The following ST6GALNAC4 variants were observed in gnomAD, a reference collection of about 807,000 sequenced individuals.
ST6GALNAC4 encodes the protein alpha-N-acetyl-neuraminyl-2,3-beta-galactosyl-1,3-N-acetyl-galactosaminide alpha-2,6-sialyltransferase.
Under a neutral mutation model 30.4 loss-of-function variants are expected in ST6GALNAC4, and 24 were observed. The observed-to-expected ratio is 0.79, with a 90% CI of 0.57 to 1.11. The LOEUF (loss-of-function observed/expected upper bound fraction) is 1.11. ST6GALNAC4 is among the 50% of genes most tolerant of loss of function. The pLI is 0.00. For synonymous variants in ST6GALNAC4, 156 were observed against 179.7 expected, an observed-to-expected ratio of 0.87 and a Z score of 1.05; for missense variants, 365 against 430.1, an observed-to-expected ratio of 0.85 and a Z score of 1.34.
Position 127,908,518 on chromosome 9 carries a change from C to T in ST6GALNAC4, c.783G>A (p.Gln261=), listed in dbSNP as rs768910382. ...YFEKGRLDEC[Q]MYLAHEQAPR... is the part of the protein sequence containing the mutation. ...GCGCCTGCTCGTGTGCCAGGTACAT[C>T]TGACACTCATCTAGCCGGCCCTTCT... Residue 261 remains glutamine (Q), a synonymous_variant, in exon 6 of 6, where the codon CAG becomes CAA. Transcript: ENST00000335791. The T allele has an allele frequency of 1.2e-6, 2 of 1,608,702 alleles. No individual in the cohort carries two copies. The highest frequency in any genetic ancestry group is 1.3e-5 in the African/African-American group (1 of 74,856).
At chr9:127,916,646 C>T (rs1035462573) in intron 1 of ST6GALNAC4, among the ~76,000 whole-genome samples, 152 bp from the exon 2 acceptor site, 2 of 152,214 alleles carry the variant, frequency 1.3e-5, no homozygotes, top group African/African-American at 2.4e-5. Flanking sequence ...CACCGGAAGG[C>T]AATGTCCCCA....
intron 4 of ST6GALNAC4, among the ~76,000 whole-genome samples, chr9:127,911,014 C>T (rs1831063400): frequency 6.6e-6 from 1 of 152,102 alleles, no homozygotes; most frequent in Non-Finnish European, 1.5e-5. Context: ...ACAAGAGGAG[C>T]CTGTCATGGG....
In ST6GALNAC4 at chr9:127,912,380, G is replaced by A. The variant is rs755579212; in HGVS notation, c.499C>T (p.Arg167Cys). Reference protein sequence around the residue: ...MDRVLGGRTYRTLLQLTRMYP... With the variant: ...MDRVLGGRTYCTLLQLTRMYP... Reference sequence around the variant, plus strand: ...ATCCTGGTGAGCTGCAGCAGCGTGCGGTAGGTGCGGCCGCCGAGCACCCGG... The same window carrying A: ...ATCCTGGTGAGCTGCAGCAGCGTGCAGTAGGTGCGGCCGCCGAGCACCCGG... The change falls in exon 4 of 6, where the codon CGC becomes TGC. Residue 167 changes from arginine to cysteine, a missense_variant. Transcript: ENST00000335791. 43 of 1,614,000 alleles carry A rather than the reference G, an allele frequency of 2.7e-5. 1 individual carries two copies. The South Asian group carries it at 3.2e-4, about 12-fold the overall frequency.
chr9:127,916,906 G>T lies in ST6GALNAC4; in HGVS notation c.-156C>A. The T allele has an allele frequency of 5.9e-6, 1 of 170,892 alleles. No homozygotes were observed. Among genetic ancestry groups the T allele is most frequent in the Non-Finnish European group, 1.3e-5 (1 of 78,168 alleles). The allele number at this position is 170,892 out of a possible 1,614,324, so 10.6% of individuals were successfully genotyped here. A position where few individuals can be genotyped will look rare whatever the true frequency, so the allele number is the denominator to read the frequency against. On this transcript the variant is annotated 5_prime_UTR_variant, in exon 1 of 6. Transcript: ENST00000335791. ...CACCGCCCTTCCAGATTCCACTGCCGCATCTCCCGGCCGAATGCTAACCGG... is the reference window on the plus strand; with the variant it reads ...CACCGCCCTTCCAGATTCCACTGCCTCATCTCCCGGCCGAATGCTAACCGG...
chr9:127,912,129 T>G (rs1268705476), intron 4 of ST6GALNAC4, 139 bp downstream of exon 4: 1 of 1,058,346 alleles, frequency 9.4e-7, no homozygotes, highest in African/African-American at 1.6e-5. Context: ...CTGCCCCCCA[T>G]TAGAGGGCAG....
chr9:127,915,703 G>A (rs909245909), intron 2 of ST6GALNAC4, among the ~76,000 whole-genome samples: 4 of 152,292 alleles, frequency 2.6e-5, no homozygotes, highest in African/African-American at 9.6e-5. Context: ...GCAGAACTGT[G>A]GGCTAGTCAC....
chr9:127,913,262 C>G (rs2131622755), intron 3 of ST6GALNAC4, among the ~76,000 whole-genome samples: 1 of 152,348 alleles, frequency 6.6e-6, no homozygotes, highest in South Asian at 2.1e-4. Flanking sequence ...CTGTGCGCCT[C>G]AAGTCTCTCA....
intron 5 of ST6GALNAC4, among the ~76,000 whole-genome samples, chr9:127,909,548 C>T (rs1831025797): frequency 2.0e-5 from 2 of 100,738 alleles, no homozygotes; most frequent in Non-Finnish European, 4.8e-5. Flanking sequence ...AAACATATCA[C>T]TGATATATAT....
chr9:127,915,132 G>A (rs1381917229), intron 2 of ST6GALNAC4, among the ~76,000 whole-genome samples: 1 of 152,178 alleles, frequency 6.6e-6, no homozygotes, highest in Non-Finnish European at 1.5e-5. Flanking sequence ...AGCACAGTGG[G>A]GCCTTAAATA....
chr9:127,912,197 G>A, intron 4 of ST6GALNAC4, 71 bp downstream of exon 4: 1 of 1,543,118 alleles, frequency 6.5e-7, no homozygotes, highest in Admixed American at 1.9e-5. Flanking sequence ...AGCCCCTGAT[G>A]GACAAGAGAC....
chr9:127,908,732 G>T, intron 5 of ST6GALNAC4, 151 bp from the exon 6 acceptor site: 1 of 591,600 alleles, frequency 1.7e-6, no homozygotes, highest in Non-Finnish European at 2.6e-6. Flanking sequence ...TAGGGGAGTA[G>T]CAGATCCCGA....
At position 127,908,425 on chromosome 9, in the gene ST6GALNAC4, G is replaced by A. The variant is rs776913825; in HGVS notation, c.876C>T (p.Ile292=). 5 of 1,592,218 alleles carry A rather than the reference G, an allele frequency of 3.1e-6. No individual in the cohort carries two copies. Among genetic ancestry groups the A allele is most frequent in the African/African-American group, 1.3e-5 (1 of 74,540 alleles). ...VFSRWAKKRP[I]VFAHPSWRTE is the part of the protein sequence containing the mutation. ...TCCTCCAGGACGGATGGGCGAACAC[G>A]ATGGGCCTCTTCTTGGCCCAGCGGG... Residue 292 remains isoleucine, a synonymous_variant, in exon 6 of 6, where the codon ATC becomes ATT. Coordinates refer to ENST00000335791, the MANE Select transcript of ST6GALNAC4 (RefSeq NM_175039.4).
intron 3 of ST6GALNAC4, 54 bp from the exon 4 acceptor site, chr9:127,912,734 C>T (rs1831110158): frequency 1.4e-5 from 20 of 1,470,032 alleles, no homozygotes; most frequent in Non-Finnish European, 1.6e-5. Flanking sequence ...GCAGCTTACA[C>T]CCCCTGCAGC....
At chr9:127,915,159 T>C (rs2131625829) in intron 2 of ST6GALNAC4, among the ~76,000 whole-genome samples, 1 of 152,280 alleles carries the variant, frequency 6.6e-6, no homozygotes, top group East Asian at 1.9e-4. Context: ...GGAAAGCCCA[T>C]ATTCCTAACT....
At chr9:127,916,528 G>A (rs1027285177) in intron 1 of ST6GALNAC4, 34 bp from the exon 2 acceptor site, 38 of 1,365,446 alleles carry the variant, frequency 2.8e-5, no homozygotes, top group Middle Eastern at 3.8e-4. Flanking sequence ...GCCGGGAGGG[G>A]TAAGGCAGGT....
chr9:127,908,525 T>G lies in ST6GALNAC4; in HGVS notation c.776A>C (p.Glu259Ala). The G allele has an allele frequency of 1.2e-6, 2 of 1,605,776 alleles. No homozygotes were observed. Among genetic ancestry groups the G allele is most frequent in the Non-Finnish European group, 1.7e-6 (2 of 1,173,714 alleles). The change falls in exon 6 of 6, where the codon GAG becomes GCG. Residue 259 changes from glutamate (E) to alanine (A), a missense_variant. Physicochemically the swap from Glu to Ala is moderately radical, Grantham distance 107. Transcript: ENST00000335791. ...CTCGTGTGCCAGGTACATCTGACAC[T>G]CATCTAGCCGGCCCTTCTCAAAGTA... ...YHYFEKGRLD[E>A]CQMYLAHEQA...
intron 1 of ST6GALNAC4, among the ~76,000 whole-genome samples, 155 bp downstream of exon 1, chr9:127,916,671 G>C (rs988943458): frequency 1.3e-5 from 2 of 152,202 alleles, no homozygotes; most frequent in Admixed American, 6.5e-5. Context: ...AAAGGAGCAG[G>C]AATCAGCGAC....
intron 4 of ST6GALNAC4, chr9:127,910,338 G>C: frequency 8.3e-7 from 1 of 1,208,540 alleles, no homozygotes; most frequent in Non-Finnish European, 1.0e-6. Context: ...CTGGATGATG[G>C]GTGTGGGGGC....
chr9:127,908,575 C>T lies in ST6GALNAC4; in HGVS notation c.726G>A (p.Lys242=). The stretch of plus-strand genomic sequence containing the variant: ...AGTGGTAAGGCACTGAGGGGTGGCT[C>T]TTCTCCCTGCGGGGTGGGGAACAGG... ...GMVSDSYCRE[K]SHPSVPYHYF... is the part of the protein sequence containing the mutation. Residue 242 remains lysine, a synonymous_variant, in exon 6 of 6, where the codon AAG becomes AAA. Coordinates refer to ENST00000335791, the MANE Select transcript of ST6GALNAC4 (RefSeq NM_175039.4). 1 of 1,571,134 alleles carries T rather than the reference C, an allele frequency of 6.4e-7. No individual in the cohort carries two copies. Among genetic ancestry groups the T allele is most frequent in the Non-Finnish European group, 8.7e-7 (1 of 1,149,240 alleles).
Sources: allele counts gnomAD v4.1 joint callset (sites outside exome capture counted in the v4.1 genomes callset), GRCh38; gene constraint gnomAD v4.1.1; transcripts MANE v1.5; gene names NCBI Gene and HGNC (gene_info 2026-07-23, HGNC 2026-07-21).